The following NALF1 variants were observed in gnomAD, a reference collection of about 807,000 sequenced individuals.
NALF1 encodes the protein family with sequence similarity 155 member A.
Under a neutral mutation model 48.4 loss-of-function variants are expected in NALF1, and 3 were observed. That is an observed-to-expected ratio of 0.06 (90% CI 0.03 to 0.16). The LOEUF (loss-of-function observed/expected upper bound fraction) is 0.16. Among genes scored for constraint, NALF1 ranks in the 10% least tolerant of loss-of-function variants. The pLI is 1.00. For missense variants in NALF1, 526 were observed against 571.5 expected (o/e 0.92, Z 0.81); for synonymous variants, 262 against 245.7 (o/e 1.07, Z -0.62).
chr13:107,252,004 C>T (rs1594089999), intron 1 of NALF1, among the ~76,000 whole-genome samples: 1 of 152,142 alleles, frequency 6.6e-6, no homozygotes, highest in Non-Finnish European at 1.5e-5. Context: ...AACCAAAAAG[C>T]CCTGGAGAAA....
intron 1 of NALF1, among the ~76,000 whole-genome samples, chr13:107,657,337 C>T (rs1880609461): frequency 6.6e-6 from 1 of 152,038 alleles, no homozygotes; most frequent in Non-Finnish European, 1.5e-5. Context: ...TTACTTATTT[C>T]CCCCTAACCA....
Position 107,818,871 on chromosome 13 carries a change from CAAAAAAA to C in NALF1, c.915+46804_915+46810del, listed in dbSNP as rs774372636. 5.5e-3 allele frequency among the ~76,000 whole-genome samples: 406 copies of C among 73,784 alleles called. 3 individuals are homozygous for C. Among genetic ancestry groups the C allele is most frequent in the Non-Finnish European group, 7.3e-3 (241 of 32,972 alleles). 48.4% of individuals were successfully genotyped at this position (73,784 alleles called of 152,430 possible). On this transcript the variant is annotated intron_variant, in intron 1 of 2. Transcript: ENST00000375915. ...TGGGCGACAGAGCGAGACTCCGTCT[CAAAAAAA>C]AAAAAAAAAAAAAAAAAATCCAGTT...
chr13:107,325,343 C>T (rs1214131479), intron 1 of NALF1, among the ~76,000 whole-genome samples: 1 of 152,014 alleles, frequency 6.6e-6, no homozygotes, highest in African/African-American at 2.4e-5. Context: ...TTTCCAAATT[C>T]TTTCACATCT....
chr13:107,182,017 A>G (rs183229544), intron 2 of NALF1, among the ~76,000 whole-genome samples: 183 of 152,014 alleles, frequency 1.2e-3, no homozygotes, highest in African/African-American at 4.3e-3. Flanking sequence ...TTTTCTTTAT[A>G]CTTTTCTCTG....
At chr13:107,624,606 T>C (rs949498564) in intron 1 of NALF1, among the ~76,000 whole-genome samples, 5 of 152,188 alleles carry the variant, frequency 3.3e-5, no homozygotes. Flanking sequence ...CTTTAATATA[T>C]AGATGTTTAT....
chr13:107,448,759 T>G (rs1884691657), intron 1 of NALF1, among the ~76,000 whole-genome samples: 1 of 152,218 alleles, frequency 6.6e-6, no homozygotes, highest in Admixed American at 6.5e-5. Flanking sequence ...TGAAAGTGTC[T>G]GAAAGTGGCA....
At chr13:107,598,418 C>A (rs1878819111) in intron 1 of NALF1, among the ~76,000 whole-genome samples, 1 of 152,148 alleles carries the variant, frequency 6.6e-6, no homozygotes, top group Non-Finnish European at 1.5e-5. Context: ...AATTTATAGA[C>A]TGATGTTTCC....
chr13:107,735,467 C>A (rs1291204487), intron 1 of NALF1, among the ~76,000 whole-genome samples: 1 of 152,188 alleles, frequency 6.6e-6, no homozygotes, highest in Non-Finnish European at 1.5e-5. Context: ...TCTCTTTATC[C>A]AGGAAGGTAC....
At chr13:107,631,281 G>T (rs1333260568) in intron 1 of NALF1, among the ~76,000 whole-genome samples, 1 of 152,124 alleles carries the variant, frequency 6.6e-6, no homozygotes, top group African/African-American at 2.4e-5. Context: ...GGAGACCTGG[G>T]TTGAAGACCT....
chr13:107,488,944 G>A (rs554543769), intron 1 of NALF1, among the ~76,000 whole-genome samples: 8 of 152,156 alleles, frequency 5.3e-5, no homozygotes, highest in South Asian at 2.1e-4. Context: ...CAAAATTAAC[G>A]TGCAAAAATT....
At chr13:107,705,626 AC>A (rs1278877006) in intron 1 of NALF1, among the ~76,000 whole-genome samples, 1 of 152,164 alleles carries the variant, frequency 6.6e-6, no homozygotes, top group African/African-American at 2.4e-5. Flanking sequence ...TTAGACATAA[AC>A]AAAATACTGG....
intron 1 of NALF1, among the ~76,000 whole-genome samples, chr13:107,646,095 T>A (rs1880307690): frequency 6.6e-6 from 1 of 152,170 alleles, no homozygotes; most frequent in South Asian, 2.1e-4. Flanking sequence ...CTTCTAGCAC[T>A]GACCAGTCAG....
At chr13:107,366,031 C>T (rs561308127) in intron 1 of NALF1, among the ~76,000 whole-genome samples, 1 of 152,164 alleles carries the variant, frequency 6.6e-6, no homozygotes, top group South Asian at 2.1e-4. Context: ...TAAGTTACGC[C>T]ACTAACATAG....
intron 1 of NALF1, among the ~76,000 whole-genome samples, chr13:107,629,818 T>C (rs2138447466): frequency 6.6e-6 from 1 of 152,298 alleles, no homozygotes; most frequent in Admixed American, 6.5e-5. Flanking sequence ...GAATGAACTA[T>C]TATATGTATG....
intron 1 of NALF1, among the ~76,000 whole-genome samples, chr13:107,390,656 G>T (rs1013051247): frequency 5.9e-5 from 9 of 152,052 alleles, no homozygotes; most frequent in South Asian, 2.1e-4. Context: ...AGGCAAAGTT[G>T]ATTAATAGAC....
At chr13:107,574,529 TG>T (rs1290918035) in intron 1 of NALF1, among the ~76,000 whole-genome samples, 1 of 152,226 alleles carries the variant, frequency 6.6e-6, no homozygotes, top group Non-Finnish European at 1.5e-5. Flanking sequence ...AGTGATCTTG[TG>T]CAATGAATAT....
At chr13:107,215,701 C>T (rs1052747406) in intron 1 of NALF1, among the ~76,000 whole-genome samples, 1 of 152,118 alleles carries the variant, frequency 6.6e-6, no homozygotes, top group East Asian at 1.9e-4. Flanking sequence ...ACCAGGATCA[C>T]CATGGTTAAC....
At chr13:107,200,203 T>C (rs1879481879) in intron 2 of NALF1, among the ~76,000 whole-genome samples, 1 of 151,962 alleles carries the variant, frequency 6.6e-6, no homozygotes, top group South Asian at 2.1e-4. Flanking sequence ...TGCTCTAAAC[T>C]CCCCCTTGGG....
chr13:107,824,738 G>A (rs1227762531), intron 1 of NALF1, among the ~76,000 whole-genome samples: 2 of 152,230 alleles, frequency 1.3e-5, no homozygotes, highest in Non-Finnish European at 2.9e-5. Context: ...AGCCAGAACT[G>A]CAAGTGCAGC....
Sources: allele counts gnomAD v4.1 joint callset (sites outside exome capture counted in the v4.1 genomes callset), GRCh38; gene constraint gnomAD v4.1.1; transcripts MANE v1.5; gene names NCBI Gene and HGNC (gene_info 2026-07-23, HGNC 2026-07-21).